The following CAPRIN1 variants were observed in gnomAD, a reference collection of about 807,000 sequenced individuals.
CAPRIN1 encodes cell cycle associated protein 1.
In CAPRIN1, 29 loss-of-function variants were observed where a neutral mutation model predicts 100.9. That is an observed-to-expected ratio of 0.29 (90% CI 0.21 to 0.39). The LOEUF (loss-of-function observed/expected upper bound fraction) is 0.39. Ranked by LOEUF, CAPRIN1 falls within the 10% of genes least tolerant of loss-of-function variation. The pLI, the probability that CAPRIN1 is intolerant of heterozygous loss-of-function variation, is 1.00. For missense variants in CAPRIN1, 795 were observed against 876.7 expected (o/e 0.91, Z 1.18); for synonymous variants, 338 against 307.5 (o/e 1.10, Z -1.04).
chr11:34,065,268 A>G (rs2134095304), intron 2 of CAPRIN1, among the ~76,000 whole-genome samples: 1 of 152,236 alleles, frequency 6.6e-6, no homozygotes, highest in South Asian at 2.1e-4. Flanking sequence ...GGCCCCGTAT[A>G]ATGGTTTTTA....
In CAPRIN1 at chr11:34,086,183, T is replaced by A; in HGVS notation, c.1086T>A (p.Leu362=). The change falls in exon 10 of 19, where the codon CTT becomes CTA. Residue 362 remains leucine, a synonymous_variant. Transcript: ENST00000341394. The stretch of plus-strand genomic sequence containing the variant: ...TGAGAAGACAGCGAGTACAAGACCT[T>A]ATGGCACAAATGCAGGGTCCCTATA... ...PLVRRQRVQD[L]MAQMQGPYNF... is the part of the protein sequence containing the mutation. The A allele has an allele frequency of 1.2e-6, 2 of 1,614,160 alleles. No homozygotes were observed. Among genetic ancestry groups the A allele is most frequent in the Non-Finnish European group, 1.7e-6 (2 of 1,180,016 alleles).
chr11:34,078,828 T>C (rs985397559), intron 6 of CAPRIN1, among the ~76,000 whole-genome samples: 2 of 152,206 alleles, frequency 1.3e-5, no homozygotes, highest in East Asian at 1.9e-4. Flanking sequence ...TTTCAACTCT[T>C]GTAGCACTTA....
rs576655813 is a variant in CAPRIN1 at position 34,053,766 on chromosome 11, G to C, written c.216+1130G>C. ...AGAGGGGCGTGTGTATGTATGTAGA[G>C]AAAAGGTCTGGGCAGAGTGAATAAT... is the stretch of plus-strand genomic sequence containing the variant. On this transcript the variant is annotated intron_variant, in intron 2 of 18. Coordinates refer to ENST00000341394, the MANE Select transcript of CAPRIN1 (RefSeq NM_005898.5). 5.3e-5 allele frequency: 8 copies of C among 152,322 alleles called. No individual in the cohort carries two copies. The South Asian group carries it at 1.2e-3, about 24-fold the overall frequency. 9.4% of individuals were successfully genotyped at this position (152,322 alleles called of 1,614,324 possible). A position where few individuals can be genotyped will look rare whatever the true frequency, so the allele number is the denominator to read the frequency against.
At chr11:34,054,664 T>C (rs1478974142) in intron 2 of CAPRIN1, among the ~76,000 whole-genome samples, 1 of 152,184 alleles carries the variant, frequency 6.6e-6, no homozygotes, top group African/African-American at 2.4e-5. Flanking sequence ...CTTGACCTCC[T>C]GATCCGCCCG....
At chr11:34,060,435 C>A (rs995256237) in intron 2 of CAPRIN1, among the ~76,000 whole-genome samples, 3 of 152,074 alleles carry the variant, frequency 2.0e-5, no homozygotes, top group Non-Finnish European at 2.9e-5. Context: ...GAACTCTTAG[C>A]CTTAAGCGAT....
chr11:34,088,326 C>G (rs914222170), intron 11 of CAPRIN1, among the ~76,000 whole-genome samples: 10 of 151,988 alleles, frequency 6.6e-5, no homozygotes, highest in African/African-American at 2.4e-4. Context: ...TTTAAATTTT[C>G]TTTTTCTCTA....
At chr11:34,076,719 T>C (rs1379297115) in intron 6 of CAPRIN1, 77 bp downstream of exon 6, 5 of 1,045,432 alleles carry the variant, frequency 4.8e-6, no homozygotes, top group Non-Finnish European at 4.3e-6. Context: ...TATAGTTCAC[T>C]TGGAAGAAAA....
chr11:34,095,642 T>TG (rs895712668), intron 15 of CAPRIN1, among the ~76,000 whole-genome samples: 1 of 152,362 alleles, frequency 6.6e-6, no homozygotes. Flanking sequence ...TGTTAGTGTG[T>TG]GGGCCTTCCT....
chr11:34,065,033 C>T (rs866508446), intron 2 of CAPRIN1, among the ~76,000 whole-genome samples: 2 of 142,814 alleles, frequency 1.4e-5, no homozygotes, highest in Admixed American at 7.3e-5. Context: ...TATCTCGGCT[C>T]ACTGCAAGCT....
intron 2 of CAPRIN1, among the ~76,000 whole-genome samples, chr11:34,059,180 G>C (rs1396833477): frequency 6.6e-6 from 1 of 152,124 alleles, no homozygotes; most frequent in East Asian, 1.9e-4. Context: ...TGAGGAAAGG[G>C]GAGGGTGTGC....
chr11:34,052,475 C>T lies in CAPRIN1; in HGVS notation c.55C>T (p.Pro19Ser). Reference protein sequence around the residue: ...GSGSKSSGPPPPSGSSGSEAA... With the variant: ...GSGSKSSGPPSPSGSSGSEAA... ...CGGCAGCAAGTCGTCCGGACCGCCACCGCCGTCGGGTTCCTCCGGGAGTGA... is the reference window on the plus strand; with the variant it reads ...CGGCAGCAAGTCGTCCGGACCGCCATCGCCGTCGGGTTCCTCCGGGAGTGA... Residue 19 changes from proline (P) to serine (S), a missense_variant, in exon 2 of 19, where the codon CCG becomes TCG. Around this residue, in one of 3 missense-constraint regions of CAPRIN1, gnomAD observed 109 missense variants for 86.6 expected, o/e 1.26. Transcript: ENST00000341394. The T allele has an allele frequency of 6.2e-7, 1 of 1,607,830 alleles. No homozygotes were observed. The highest frequency in any genetic ancestry group is 8.5e-7 in the Non-Finnish European group (1 of 1,178,750).
intron 4 of CAPRIN1, among the ~76,000 whole-genome samples, chr11:34,073,651 T>G (rs1372960849): frequency 5.9e-5 from 9 of 152,140 alleles, no homozygotes; most frequent in Non-Finnish European, 1.3e-4. Context: ...CTCAAACTCC[T>G]GACCCCTCAG....
intron 11 of CAPRIN1, among the ~76,000 whole-genome samples, chr11:34,088,135 T>C (rs1397336916): frequency 6.6e-6 from 1 of 152,058 alleles, no homozygotes; most frequent in African/African-American, 2.4e-5. Flanking sequence ...CCCCAGTAGC[T>C]GAAAGTACAG....
chr11:34,068,991 CAG>C (rs1565086791), intron 2 of CAPRIN1, among the ~76,000 whole-genome samples: 1 of 151,980 alleles, frequency 6.6e-6, no homozygotes, highest in Non-Finnish European at 1.5e-5. Context: ...AAGTTAATAA[CAG>C]TGTTTCTTTT....
intron 4 of CAPRIN1, among the ~76,000 whole-genome samples, chr11:34,075,270 T>C (rs547760786): frequency 1.3e-5 from 2 of 152,290 alleles, no homozygotes; most frequent in African/African-American, 2.4e-5. Flanking sequence ...CATATGTCCC[T>C]ATTTTGGTTT....
intron 9 of CAPRIN1, among the ~76,000 whole-genome samples, chr11:34,084,534 C>T (rs1851099726): frequency 6.6e-6 from 1 of 152,190 alleles, no homozygotes. Flanking sequence ...GACACTCCCA[C>T]ACACCGAAGT....
At chr11:34,095,921 G>A (rs1199895015) in intron 15 of CAPRIN1, 1 of 152,126 alleles carries the variant, frequency 6.6e-6, no homozygotes, top group Non-Finnish European at 1.5e-5. Flanking sequence ...ATGGAATTTG[G>A]CATTAAGGGC....
intron 2 of CAPRIN1, among the ~76,000 whole-genome samples, chr11:34,070,772 G>A (rs904211595): frequency 2.0e-5 from 3 of 151,184 alleles, no homozygotes; most frequent in Non-Finnish European, 4.4e-5. Context: ...GTGCGATCTC[G>A]GCTCACCGCA....
intron 2 of CAPRIN1, chr11:34,063,114 C>G (rs938916685): frequency 1.4e-4 from 21 of 152,172 alleles, no homozygotes; most frequent in Non-Finnish European, 2.9e-5. Context: ...ATGGCACCTA[C>G]TGAACTTAAT....
Sources: allele counts gnomAD v4.1 joint callset (sites outside exome capture counted in the v4.1 genomes callset), GRCh38; gene constraint gnomAD v4.1.1; regional missense constraint gnomAD v4.1.1; transcripts MANE v1.5; gene names NCBI Gene and HGNC (gene_info 2026-07-23, HGNC 2026-07-21).